EXOC6B: variants seen among roughly 807,000 people sequenced by gnomAD.
The protein encoded by EXOC6B is SEC15 homolog B.
Under a neutral mutation model 113.5 loss-of-function variants are expected in EXOC6B, and 54 were observed. The ratio of observed to expected loss-of-function variants is 0.48; its 90% CI spans 0.38 to 0.60. The LOEUF is 0.60. Ranked by LOEUF, EXOC6B falls within the 20% of genes least tolerant of loss-of-function variation. The pLI, the probability that EXOC6B is intolerant of heterozygous loss-of-function variation, is 0.00. For synonymous variants in EXOC6B, 357 were observed against 339.0 expected (o/e 1.05, Z -0.58); for missense variants, 797 against 977.5 (o/e 0.82, Z 2.46).
intron 20 of EXOC6B, among the ~76,000 whole-genome samples, chr2:72,292,395 T>C (rs1435246659): frequency 6.6e-6 from 1 of 152,130 alleles, no homozygotes; most frequent in Non-Finnish European, 1.5e-5. Flanking sequence ...TGTCTGTATA[T>C]CCTTCAGGGA....
At chr2:72,282,377 T>C (rs1018976908) in intron 20 of EXOC6B, among the ~76,000 whole-genome samples, 5 of 151,964 alleles carry the variant, frequency 3.3e-5, no homozygotes, top group South Asian at 2.1e-4. Context: ...ATAAGAATGA[T>C]TGTTGTAGAG....
At chr2:72,735,323 G>T (rs1234426083) in intron 2 of EXOC6B, among the ~76,000 whole-genome samples, 1 of 151,902 alleles carries the variant, frequency 6.6e-6, no homozygotes, top group Non-Finnish European at 1.5e-5. Context: ...CAAGTATAGG[G>T]AACACACACA....
chr2:72,338,571 A>C (rs1239238987), intron 19 of EXOC6B, among the ~76,000 whole-genome samples: 1 of 152,174 alleles, frequency 6.6e-6, no homozygotes, highest in Non-Finnish European at 1.5e-5. Context: ...TTGTTTTAAA[A>C]ATTTAATAAA....
At chr2:72,591,811 A>T (rs183694912) in intron 6 of EXOC6B, among the ~76,000 whole-genome samples, 62 of 152,274 alleles carry the variant, frequency 4.1e-4, no homozygotes, top group African/African-American at 1.4e-3. Flanking sequence ...GAATCTAGAA[A>T]TATCATTATG....
intron 13 of EXOC6B, 73 bp from the exon 14 acceptor site, chr2:72,496,632 G>T (rs1700050764): frequency 3.5e-6 from 3 of 862,776 alleles, no homozygotes; most frequent in African/African-American, 3.4e-5. Flanking sequence ...GGAACAGAGG[G>T]AAGGTGGGTT....
intron 20 of EXOC6B, among the ~76,000 whole-genome samples, chr2:72,286,412 A>G (rs1685417946): frequency 6.6e-6 from 1 of 152,196 alleles, no homozygotes; most frequent in South Asian, 2.1e-4. Context: ...GTTACATACT[A>G]CATGATTCCA....
At chr2:72,641,129 T>C (rs1048195412) in intron 6 of EXOC6B, among the ~76,000 whole-genome samples, 2 of 152,236 alleles carry the variant, frequency 1.3e-5, no homozygotes, top group Non-Finnish European at 2.9e-5. Flanking sequence ...AGCTCCAGTC[T>C]GCAGCTCCGA....
At chr2:72,722,037 T>A (rs1218800720) in intron 5 of EXOC6B, 1 of 147,136 alleles carries the variant, frequency 6.8e-6, no homozygotes, top group Non-Finnish European at 1.5e-5. Context: ...ACAAGTATAA[T>A]CATAATATTC....
At chr2:72,692,772 A>G (rs1210559567) in intron 6 of EXOC6B, among the ~76,000 whole-genome samples, 1 of 152,240 alleles carries the variant, frequency 6.6e-6, no homozygotes, top group African/African-American at 2.4e-5. Context: ...ACTAGGATTT[A>G]GTGGCTGACT....
chr2:72,192,798 C>G (rs909613182), intron 20 of EXOC6B, among the ~76,000 whole-genome samples: 2 of 152,108 alleles, frequency 1.3e-5, no homozygotes, highest in African/African-American at 4.8e-5. Flanking sequence ...GCAGGTGCAT[C>G]CTTGAAGTAA....
intron 1 of EXOC6B, among the ~76,000 whole-genome samples, chr2:72,766,879 G>A (rs747370275): frequency 1.4e-4 from 20 of 147,960 alleles, no homozygotes; most frequent in Non-Finnish European, 1.9e-4. Flanking sequence ...GCTTGAAACC[G>A]GGAGGCAGAG....
At chr2:72,436,762 G>T (rs1455969618) in intron 18 of EXOC6B, among the ~76,000 whole-genome samples, 1 of 151,996 alleles carries the variant, frequency 6.6e-6, no homozygotes, top group Non-Finnish European at 1.5e-5. Flanking sequence ...GGTCCCTTAT[G>T]TTCTTTTCTA....
At chr2:72,443,936 A>T (rs532242725) in intron 18 of EXOC6B, among the ~76,000 whole-genome samples, 1 of 152,206 alleles carries the variant, frequency 6.6e-6, no homozygotes, top group South Asian at 2.1e-4. Context: ...TCACACTTCA[A>T]AACCAACCCT....
intron 18 of EXOC6B, among the ~76,000 whole-genome samples, chr2:72,399,878 A>G (rs544283276): frequency 1.5e-4 from 23 of 152,328 alleles, no homozygotes; most frequent in African/African-American, 5.3e-4. Flanking sequence ...TACAGATTCA[A>G]TGCAATTTCT....
chr2:72,242,250 T>C (rs1682361367), intron 20 of EXOC6B, among the ~76,000 whole-genome samples: 1 of 152,210 alleles, frequency 6.6e-6, no homozygotes, highest in East Asian at 1.9e-4. Flanking sequence ...ATTTTCTTAT[T>C]CTTAATTGGT....
intron 6 of EXOC6B, among the ~76,000 whole-genome samples, chr2:72,593,116 T>C (rs1234271193): frequency 1.3e-5 from 2 of 152,144 alleles, no homozygotes; most frequent in Admixed American, 6.6e-5. Context: ...ATCAAGATGC[T>C]GAAAGGGTAG....
chr2:72,691,727 G>A (rs1238390323), intron 6 of EXOC6B, among the ~76,000 whole-genome samples: 1 of 150,544 alleles, frequency 6.6e-6, no homozygotes, highest in Non-Finnish European at 1.5e-5. Flanking sequence ...TGTCGCCCAG[G>A]CTGGAGTACT....
At chr2:72,463,103 A>G (rs1697804980) in intron 18 of EXOC6B, 1 of 152,140 alleles carries the variant, frequency 6.6e-6, no homozygotes, top group African/African-American at 2.4e-5. Flanking sequence ...TTTTTAAAAT[A>G]TCAAACCATC....
intron 20 of EXOC6B, among the ~76,000 whole-genome samples, chr2:72,269,991 A>C (rs1172816483): frequency 6.6e-6 from 1 of 152,152 alleles, no homozygotes; most frequent in Non-Finnish European, 1.5e-5. Context: ...GAAGAGGTGA[A>C]GAGGTTCAGG....
Sources: allele counts gnomAD v4.1 joint callset (sites outside exome capture counted in the v4.1 genomes callset), GRCh38; gene constraint gnomAD v4.1.1; transcripts MANE v1.5; gene names NCBI Gene and HGNC (gene_info 2026-07-23, HGNC 2026-07-21).